Variants in COX15 observed in about 807,000 individuals in gnomAD.
The protein encoded by COX15 is heme A synthase COX15.
Under a neutral mutation model 51.9 loss-of-function variants are expected in COX15, and 51 were observed. That is an observed-to-expected ratio of 0.98 (90% CI 0.78 to 1.24). COX15 has a LOEUF of 1.24. COX15 is among the 50% of genes most tolerant of loss of function. The pLI is 0.00. For synonymous variants in COX15, 188 were observed against 190.5 expected (o/e 0.99, Z 0.11); for missense variants, 420 against 501.1 (o/e 0.84, Z 1.55).
chr10:99,715,749 T>C (rs1453369596), intron 8 of COX15, among the ~76,000 whole-genome samples: 1 of 152,044 alleles, frequency 6.6e-6, no homozygotes, highest in Non-Finnish European at 1.5e-5. Flanking sequence ...CCCATGGCAA[T>C]ACCTGATTAT....
At chr10:99,707,979 T>C (rs1003319452), downstream of COX15, among the ~76,000 whole-genome samples, 1 of 152,150 alleles carries the variant, frequency 6.6e-6, no homozygotes, top group African/African-American at 2.4e-5. Flanking sequence ...ATGCTGAGGT[T>C]TGGGGTACAG....
rs147530211 is a variant in COX15, at chr10:99,720,946, G to A, written c.832+41C>T. ...ATTAGGCAAGAGGTCCCAGCTTAGA[G>A]TGCAATGCAAACAGGTCATCTTTGA... On this transcript the variant is annotated intron_variant, in intron 6 of 8. Coordinates refer to ENST00000016171, the MANE Select transcript of COX15 (RefSeq NM_078470.6). The A allele has an allele frequency of 6.0e-5, 91 of 1,517,798 alleles. No homozygotes were observed. The East Asian group carries it at 1.9e-3, about 31-fold the overall frequency. The allele number at this position is 1,517,798 out of a possible 1,614,324, so 94.0% of individuals were successfully genotyped here. A position where few individuals can be genotyped will look rare whatever the true frequency, so the allele number is the denominator to read the frequency against.
chr10:99,696,125 A>G, the COX15 span: 2 of 1,612,940 alleles, frequency 1.2e-6, no homozygotes, highest in South Asian at 1.1e-5. Flanking sequence ...AAAAACAGGT[A>G]CATTTGATAT....
intron 2 of COX15, 85 bp downstream of exon 2, chr10:99,729,459 CAAAAAAAAA>C: frequency 8.2e-7 from 1 of 1,213,140 alleles, no homozygotes; most frequent in Non-Finnish European, 1.2e-6. Flanking sequence ...GACTCTGTCT[CAAAAAAAAA>C]AAAAAAAAAA....
chr10:99,721,735 G>C (rs544975157), intron 5 of COX15, among the ~76,000 whole-genome samples: 1 of 152,144 alleles, frequency 6.6e-6, no homozygotes, highest in Admixed American at 6.5e-5. Context: ...AGAACTTTCT[G>C]TGATGGAAAA....
chr10:99,716,080 C>T (rs554361362), intron 8 of COX15, among the ~76,000 whole-genome samples: 1 of 150,344 alleles, frequency 6.7e-6, no homozygotes, highest in Non-Finnish European at 1.5e-5. Context: ...CAGCCTCAAC[C>T]TCCCTGGCTC....
the COX15 span, chr10:99,705,773 T>G: frequency 6.6e-6 from 1 of 152,258 alleles, no homozygotes; most frequent in Non-Finnish European, 1.5e-5. Flanking sequence ...TAGATCAATC[T>G]GTTAATAAGC....
At position 99,731,972 on chromosome 10, in the gene COX15, C is replaced by T. The variant is rs375302709; in HGVS notation, c.78G>A (p.Ala26=). 3.7e-6 allele frequency: 6 copies of T among 1,611,166 alleles called. No homozygotes were observed. Among genetic ancestry groups the T allele is most frequent in the Non-Finnish European group, 5.1e-6 (6 of 1,178,966 alleles). ...TGCAGTGCGGTACCTGTGCTCTAGG[C>T]GCTGCCCTAGGAGCCAGGAGCGGCA... ...QYLPLLAPRA[A]PRAQCDCIRR... Residue 26 remains alanine, a synonymous_variant, in exon 1 of 9, where the codon GCG becomes GCA. Transcript: ENST00000016171.
chr10:99,701,137 C>A, the COX15 span: 2 of 1,225,266 alleles, frequency 1.6e-6, no homozygotes, highest in Non-Finnish European at 2.4e-6. Context: ...AGCAATAATG[C>A]AGATTAGATT....
In COX15 at chr10:99,712,900, C is replaced by T. The variant is rs2036439993; in HGVS notation, c.*1687G>A. On this transcript the variant is annotated 3_prime_UTR_variant, in exon 9 of 9. Coordinates refer to ENST00000016171, the MANE Select transcript of COX15 (RefSeq NM_078470.6). Reference sequence around the variant, plus strand: ...TTCCCTCTTCTGCATGAGACGGCTTCAACTTCTCAAGGACAGGAATCTTGC... The same window carrying T: ...TTCCCTCTTCTGCATGAGACGGCTTTAACTTCTCAAGGACAGGAATCTTGC... 1 of 625,290 alleles carries T rather than the reference C, an allele frequency of 1.6e-6. No individual in the cohort carries two copies. Among genetic ancestry groups the T allele is most frequent in the Admixed American group, 5.8e-5 (1 of 17,152 alleles). 38.7% of individuals were successfully genotyped at this position (625,290 alleles called of 1,614,324 possible). A position where few individuals can be genotyped will look rare whatever the true frequency, so the allele number is the denominator to read the frequency against.
At chr10:99,708,680 G>A (rs975145301), downstream of COX15, 6 of 340,418 alleles carry the variant, frequency 1.8e-5, no homozygotes, top group Non-Finnish European at 2.5e-5. Context: ...TAAGGTTGGT[G>A]GGAACAGAGT....
chr10:99,709,978 C>T (rs745792225), downstream of COX15: 22 of 985,330 alleles, frequency 2.2e-5, no homozygotes, highest in Non-Finnish European at 2.7e-5. Context: ...TGTAATCCAT[C>T]ATTGCTTGCC....
Position 99,721,035 on chromosome 10 carries a change from G to T in COX15, c.784C>A (p.Arg262=), listed in dbSNP as rs774366079. The part of the protein sequence containing the change: ...PETHQLLQLR[R]FAHGTAGLVF... ...AGACCTGCTGTTCCATGAGCAAATC[G>T]TCTCAACTGTAGGAGTTGGTGGGTT... Residue 262 remains arginine, a synonymous_variant, in exon 6 of 9, where the codon CGA becomes AGA. Transcript: ENST00000016171. The T allele has an allele frequency of 1.9e-6, 3 of 1,613,658 alleles. No individual in the cohort carries two copies. The South Asian group carries it at 3.3e-5, about 18-fold the overall frequency.
downstream of COX15, chr10:99,708,685 CAG>C (rs774134015): frequency 2.7e-6 from 1 of 374,214 alleles, no homozygotes; most frequent in Non-Finnish European, 3.7e-6. Context: ...TTGGTGGGAA[CAG>C]AGTTTCTAAT....
intron 2 of COX15, among the ~76,000 whole-genome samples, chr10:99,727,791 T>C (rs2037007891): frequency 6.6e-6 from 1 of 151,990 alleles, no homozygotes; most frequent in South Asian, 2.1e-4. Flanking sequence ...TTTATTCAAC[T>C]CTCCCCAATT....
Position 99,724,177 on chromosome 10 carries a change from A to C in COX15, c.583-54T>G, listed in dbSNP as rs2036871145. The C allele has an allele frequency of 1.0e-5, 16 of 1,605,474 alleles. No individual in the cohort carries two copies. In the South Asian group the frequency reaches 1.1e-4, roughly 11 times the overall value. ...AAACAAGGTTAAAATGATCTGTTCAACTTTCTTTTTTTTGTTGTTTTTTTG... is the reference window on the plus strand; with the variant it reads ...AAACAAGGTTAAAATGATCTGTTCACCTTTCTTTTTTTTGTTGTTTTTTTG... On this transcript the variant is annotated intron_variant, in intron 4 of 8. Coordinates refer to ENST00000016171, the MANE Select transcript of COX15 (RefSeq NM_078470.6).
At chr10:99,706,370 G>C (rs1045883824), downstream of COX15, 1 of 151,080 alleles carries the variant, frequency 6.6e-6, no homozygotes, top group African/African-American at 2.4e-5. Context: ...GCCTCACGCT[G>C]TCACCCAGGC....
the COX15 span, chr10:99,698,929 G>C: frequency 4.9e-6 from 7 of 1,428,676 alleles, no homozygotes; most frequent in Non-Finnish European, 6.6e-6. Flanking sequence ...TCTGTGCCAG[G>C]TGCTGTGCAA....
downstream of COX15, chr10:99,710,730 T>C: frequency 1.0e-6 from 1 of 985,422 alleles, no homozygotes. Flanking sequence ...GTAGATAAAC[T>C]GGTTATCCTA....
Sources: allele counts gnomAD v4.1 joint callset (sites outside exome capture counted in the v4.1 genomes callset), GRCh38; gene constraint gnomAD v4.1.1; transcripts MANE v1.5; gene names NCBI Gene and HGNC (gene_info 2026-07-23, HGNC 2026-07-21).